The following SPATA6L variants were observed in gnomAD, a reference collection of about 807,000 sequenced individuals.
The protein encoded by SPATA6L is spermatogenesis associated 6 like.
In SPATA6L, 68 loss-of-function variants were observed where a neutral mutation model predicts 49.2. The ratio of observed to expected loss-of-function variants is 1.38; its 90% CI spans 1.14 to 1.69. The LOEUF is 1.69. SPATA6L is among the 40% of genes most tolerant of loss of function. SPATA6L has a pLI of 0.00. For synonymous variants in SPATA6L, 198 were observed against 165.7 expected, an observed-to-expected ratio of 1.19 and a Z score of -1.50; for missense variants, 668 against 464.3, an observed-to-expected ratio of 1.44 and a Z score of -4.03.
rs766902262 is a variant in SPATA6L at position 4,599,779 on chromosome 9, C to A, written c.*1032G>T. 5.9e-5 allele frequency among the ~76,000 whole-genome samples: 9 copies of A among 152,190 alleles called. No individual in the cohort carries two copies. Among genetic ancestry groups the A allele is most frequent in the Non-Finnish European group, 1.3e-4 (9 of 68,026 alleles). ...CACAACCTCATCACCTCCCAAAAGG[C>A]CCCATTTCCTTAGAGGTTAGGATTT... On this transcript the variant is annotated 3_prime_UTR_variant, in exon 12 of 12. Coordinates refer to ENST00000682582, the MANE Select transcript of SPATA6L (RefSeq NM_001353486.2).
chr9:4,619,333 T>A (rs1828753517), intron 7 of SPATA6L, among the ~76,000 whole-genome samples: 1 of 151,928 alleles, frequency 6.6e-6, no homozygotes, highest in African/African-American at 2.4e-5. Flanking sequence ...ATTTTTTGTA[T>A]TTTTAGTAGA....
intron 2 of SPATA6L, 146 bp downstream of exon 2, chr9:4,661,753 A>ACTGCGGTTTTGCTTCAAGGCCGT: frequency 2.8e-6 from 3 of 1,072,004 alleles, no homozygotes; most frequent in Non-Finnish European, 3.9e-6. Context: ...AAGTGTTCCG[A>ACTGCGGTTTTGCTTCAAGGCCGT]CTGCGGTTTT....
intron 7 of SPATA6L, among the ~76,000 whole-genome samples, chr9:4,621,243 G>T (rs981258829): frequency 1.3e-5 from 2 of 152,174 alleles, no homozygotes; most frequent in Non-Finnish European, 2.9e-5. Flanking sequence ...ATGATTCATG[G>T]ATTTCAGTCA....
chr9:4,605,678 T>C lies in SPATA6L; in HGVS notation c.996-238A>G, dbSNP rs549401696. On this transcript the variant is annotated intron_variant, in intron 9 of 11. Coordinates refer to ENST00000682582, the MANE Select transcript of SPATA6L (RefSeq NM_001353486.2). ...TTGTGTTTCTATGTGTGGCTATGAG[T>C]GATTCTTTTCTTCTTTGTACTTTCC... 9.2e-5 allele frequency among the ~76,000 whole-genome samples: 14 copies of C among 152,338 alleles called. 1 individual carries two copies. In the South Asian group the frequency reaches 1.2e-3, roughly 14 times the overall value.
intron 13 of SPATA6L, among the ~76,000 whole-genome samples, chr9:4,591,691 T>C (rs1821909221): frequency 6.6e-6 from 1 of 152,180 alleles, no homozygotes; most frequent in South Asian, 2.1e-4. Flanking sequence ...CAAGGCTCTC[T>C]GCTCCATCAG....
At chr9:4,664,580 A>G (rs1840578588) in intron 1 of SPATA6L, 1 of 167,100 alleles carries the variant, frequency 6.0e-6, no homozygotes, top group South Asian at 2.1e-4. Flanking sequence ...TTTGACCCAG[A>G]AAGACTGGAG....
downstream of SPATA6L, among the ~76,000 whole-genome samples, chr9:4,595,405 C>G (rs1249079866): frequency 2.6e-5 from 4 of 152,098 alleles, no homozygotes; most frequent in Admixed American, 6.5e-5. Flanking sequence ...CAGAGTCTCC[C>G]CACCGCCAGC....
chr9:4,642,959 C>A (rs1297409226), intron 3 of SPATA6L, among the ~76,000 whole-genome samples: 2 of 152,154 alleles, frequency 1.3e-5, no homozygotes, highest in African/African-American at 4.8e-5. Context: ...AAGGTTGTCA[C>A]AGTCACATCT....
chr9:4,632,545 G>A (rs568378996), intron 4 of SPATA6L, among the ~76,000 whole-genome samples: 7 of 149,820 alleles, frequency 4.7e-5, no homozygotes, highest in African/African-American at 9.9e-5. Context: ...GCAGTGAGCC[G>A]AGATCGCTGC....
At chr9:4,643,679 T>C (rs1366077510) in intron 3 of SPATA6L, among the ~76,000 whole-genome samples, 1 of 152,066 alleles carries the variant, frequency 6.6e-6, no homozygotes, top group Non-Finnish European at 1.5e-5. Flanking sequence ...AAAACACATA[T>C]GTAAATTAAT....
chr9:4,652,858 A>C (rs1002529655), intron 3 of SPATA6L, among the ~76,000 whole-genome samples: 4 of 151,564 alleles, frequency 2.6e-5, no homozygotes, highest in African/African-American at 9.7e-5. Flanking sequence ...AAAAAAAAAA[A>C]AGGAAAAAGA....
intron 2 of SPATA6L, among the ~76,000 whole-genome samples, chr9:4,658,538 G>A (rs778717647): frequency 6.6e-6 from 1 of 152,126 alleles, no homozygotes; most frequent in Non-Finnish European, 1.5e-5. Context: ...TGATTTGTTT[G>A]ACTAGTAATC....
At chr9:4,596,148 C>T (rs1822237204), downstream of SPATA6L, among the ~76,000 whole-genome samples, 1 of 152,164 alleles carries the variant, frequency 6.6e-6, no homozygotes, top group African/African-American at 2.4e-5. Flanking sequence ...CTCATTGCCC[C>T]AGTAAGTATG....
chr9:4,660,588 G>A (rs1055142285), intron 2 of SPATA6L, among the ~76,000 whole-genome samples: 1 of 152,260 alleles, frequency 6.6e-6, no homozygotes, highest in African/African-American at 2.4e-5. Flanking sequence ...TGGTGGGACA[G>A]TAAACTAGTT....
chr9:4,618,391 A>T (rs1828507259), intron 8 of SPATA6L, among the ~76,000 whole-genome samples: 1 of 152,220 alleles, frequency 6.6e-6, no homozygotes, highest in Non-Finnish European at 1.5e-5. Context: ...AGGACTAGGG[A>T]TTATTGGTCT....
intron 4 of SPATA6L, chr9:4,633,174 T>A (rs780179165): frequency 1.3e-5 from 2 of 154,510 alleles, no homozygotes; most frequent in African/African-American, 4.8e-5. Context: ...GGGAGGCTTA[T>A]GTGGTCCAAA....
At position 4,611,097 on chromosome 9, in the gene SPATA6L, G is replaced by T. The variant is rs540937862; in HGVS notation, c.996-5657C>A. Among the ~76,000 whole-genome samples the T allele has an allele frequency of 7.1e-3, 1,055 of 149,498 alleles. 32 individuals carry two copies. Among genetic ancestry groups the T allele is most frequent in the African/African-American group, 0.026 (1,020 of 39,030 alleles). On this transcript the variant is annotated intron_variant, in intron 9 of 11. Coordinates refer to ENST00000682582, the MANE Select transcript of SPATA6L (RefSeq NM_001353486.2). ...GAAATGCAAATCAAAACCACATTGA[G>T]ATACCATCTCACACCAGTTAGAATG...
chr9:4,661,965 G>T lies in SPATA6L; in HGVS notation c.111C>A (p.Tyr37Ter). 6.2e-7 allele frequency: 1 copy of T among 1,614,062 alleles called. No individual in the cohort carries two copies. Among genetic ancestry groups the T allele is most frequent in the Non-Finnish European group, 8.5e-7 (1 of 1,179,966 alleles). Residue 37 changes from tyrosine (Y) to a stop codon, truncating the protein, a stop_gained, in exon 2 of 12, where the codon TAC becomes TAA. Coordinates refer to ENST00000682582, the MANE Select transcript of SPATA6L (RefSeq NM_001353486.2). LOFTEE classifies it high-confidence loss of function. The stretch of plus-strand genomic sequence containing the variant: ...CAGAGGGAAAGCTGTTGGTCTCCAG[G>T]TACTGATTCATGAGGTAGACCCCGA... ...VYLGVYLMNQ[Y>*]LETNSFPSAF...
chr9:4,662,663 G>T lies in SPATA6L; in HGVS notation c.40-627C>A, dbSNP rs772466839. The T allele has an allele frequency of 4.4e-6, 7 of 1,599,966 alleles. No homozygotes were observed. The South Asian group carries it at 4.4e-5, about 10-fold the overall frequency. On this transcript the variant is annotated intron_variant, in intron 1 of 11. Transcript: ENST00000682582. The surrounding 1 kb of genome is among the most constrained non-coding windows in gnomAD (Gnocchi z 4.9). Reference sequence around the variant, plus strand: ...AGGAGGACCGCATGGACTTGAACCCGTCCTTCCTGGGCATCGCCCTGCGCT... The same window carrying T: ...AGGAGGACCGCATGGACTTGAACCCTTCCTTCCTGGGCATCGCCCTGCGCT...
Sources: allele counts gnomAD v4.1 joint callset (sites outside exome capture counted in the v4.1 genomes callset), GRCh38; gene constraint gnomAD v4.1.1; non-coding constraint Gnocchi (gnomAD v3.1); transcripts MANE v1.5; gene names NCBI Gene and HGNC (gene_info 2026-07-23, HGNC 2026-07-21).